ZC3H11A: variants seen among roughly 807,000 people sequenced by gnomAD.
The protein encoded by ZC3H11A is zinc finger CCCH-type containing 11A, also known as zinc finger CCCH domain-containing protein 11A.
ZC3H11A carries 22 observed loss-of-function variants against 90.8 expected under a neutral mutation model. That is an observed-to-expected ratio of 0.24 (90% CI 0.17 to 0.35). The LOEUF is 0.35. ZC3H11A is among the 10% of genes least tolerant of loss of function. The pLI is 1.00. For missense variants in ZC3H11A, 701 were observed against 964.9 expected, an observed-to-expected ratio of 0.73 and a Z score of 3.62; for synonymous variants, 294 against 339.8, an observed-to-expected ratio of 0.87 and a Z score of 1.48.
At chr1:203,851,581 C>T (rs1333851665) in intron 17 of ZC3H11A, among the ~76,000 whole-genome samples, 1 of 152,134 alleles carries the variant, frequency 6.6e-6, no homozygotes, top group African/African-American at 2.4e-5. Flanking sequence ...CCACCTTCCT[C>T]GTCTTCCCAA....
chr1:203,828,953 A>G (rs1681409482), intron 5 of ZC3H11A, among the ~76,000 whole-genome samples: 1 of 152,240 alleles, frequency 6.6e-6, no homozygotes, highest in South Asian at 2.1e-4. Flanking sequence ...GGTTATTCCC[A>G]AAGTTCATTT....
chr1:203,820,758 G>A (rs940291261), intron 4 of ZC3H11A, among the ~76,000 whole-genome samples: 3 of 152,042 alleles, frequency 2.0e-5, no homozygotes, highest in East Asian at 3.9e-4. Context: ...GAGATTACAG[G>A]TGTGAGCCAC....
At chr1:203,815,667 A>G (rs1331876571) in intron 2 of ZC3H11A, among the ~76,000 whole-genome samples, 4 of 152,174 alleles carry the variant, frequency 2.6e-5, no homozygotes, top group Non-Finnish European at 5.9e-5. Flanking sequence ...ACCCATGTTC[A>G]GTGTCAGACT....
At chr1:203,796,414 G>C in intron 1 of ZC3H11A, 1 of 399,082 alleles carries the variant, frequency 2.5e-6, no homozygotes, top group Non-Finnish European at 4.4e-6. Flanking sequence ...CAGCGTCGGA[G>C]TCAAGAGCAA....
Position 203,828,329 on chromosome 1 carries a change from G to C in ZC3H11A, c.205G>C (p.Glu69Gln). The C allele has an allele frequency of 6.2e-7, 1 of 1,614,026 alleles. No individual in the cohort carries two copies. The highest frequency in any genetic ancestry group is 1.7e-5 in the Admixed American group (1 of 60,014). ...ACGCAGTGAAATTCCTTGTTATTGGGAAAATCAGCCAACAGGATGTCAAAA... is the reference window on the plus strand; with the variant it reads ...ACGCAGTGAAATTCCTTGTTATTGGCAAAATCAGCCAACAGGATGTCAAAA... Reference protein sequence around the residue: ...KKRSEIPCYWENQPTGCQKLN... With the variant: ...KKRSEIPCYWQNQPTGCQKLN... The change falls in exon 5 of 18, where the codon GAA becomes CAA. Residue 69 changes from glutamate to glutamine, a missense_variant. Glu to Gln is a conservative substitution (Grantham distance 29). Transcript: ENST00000367210.
At chr1:203,797,967 G>A in intron 1 of ZC3H11A, 1 of 1,535,768 alleles carries the variant, frequency 6.5e-7, no homozygotes, top group Non-Finnish European at 8.7e-7. Flanking sequence ...CACCTGGCGG[G>A]CCATTTGTAA....
chr1:203,815,896 G>T (rs1676218877), intron 2 of ZC3H11A, among the ~76,000 whole-genome samples: 1 of 152,164 alleles, frequency 6.6e-6, no homozygotes, highest in Non-Finnish European at 1.5e-5. Context: ...AGCTTGCTTG[G>T]ACGTTTTAGT....
At chr1:203,851,650 C>A (rs1417661404) in intron 17 of ZC3H11A, among the ~76,000 whole-genome samples, 2 of 152,026 alleles carry the variant, frequency 1.3e-5, no homozygotes, top group Non-Finnish European at 1.5e-5. Flanking sequence ...GTCTTTAACA[C>A]CTACTTTGAG....
intron 16 of ZC3H11A, 49 bp from the exon 17 acceptor site, chr1:203,851,008 A>G (rs749319665): frequency 8.1e-6 from 13 of 1,595,580 alleles, no homozygotes; most frequent in Non-Finnish European, 1.1e-5. Context: ...AATATGCTCA[A>G]ATTAAAAAGC....
At chr1:203,805,603 T>C (rs1422825793) in intron 2 of ZC3H11A, 2 of 640,476 alleles carry the variant, frequency 3.1e-6, no homozygotes, top group Non-Finnish European at 6.1e-6. Flanking sequence ...TTACATGATG[T>C]ACTTAAATGC....
At chr1:203,837,206 G>A (rs1346429870) in intron 10 of ZC3H11A, among the ~76,000 whole-genome samples, 14 of 151,020 alleles carry the variant, frequency 9.3e-5, no homozygotes, top group Admixed American at 7.3e-4. Flanking sequence ...TGGGAGGATC[G>A]CTTGAGCCTA....
intron 12 of ZC3H11A, among the ~76,000 whole-genome samples, chr1:203,842,625 C>CT (rs575844553): frequency 0.011 from 1,444 of 128,294 alleles, 9 homozygotes; most frequent in Non-Finnish European, 0.013. Flanking sequence ...GAGGGGGAAT[C>CT]TTTTTTTTTT....
At chr1:203,823,570 G>C (rs921056112) in intron 4 of ZC3H11A, among the ~76,000 whole-genome samples, 4 of 152,170 alleles carry the variant, frequency 2.6e-5, no homozygotes, top group Non-Finnish European at 5.9e-5. Flanking sequence ...AATTAACTTG[G>C]AGCGTCTAAA....
intron 1 of ZC3H11A, chr1:203,800,456 G>A (rs913820909): frequency 6.7e-7 from 1 of 1,482,610 alleles, no homozygotes; most frequent in African/African-American, 1.4e-5. Context: ...AAGAAATACT[G>A]CCTTAATTTC....
intron 10 of ZC3H11A, among the ~76,000 whole-genome samples, chr1:203,834,571 T>C (rs1683602775): frequency 6.6e-6 from 1 of 152,208 alleles, no homozygotes. Flanking sequence ...CATGCTTGGC[T>C]GCTATTTTAT....
intron 12 of ZC3H11A, among the ~76,000 whole-genome samples, chr1:203,842,283 C>T (rs1176408131): frequency 2.0e-5 from 3 of 152,186 alleles, no homozygotes; most frequent in African/African-American, 4.8e-5. Flanking sequence ...GCCGAGATCA[C>T]GCCACTGCAC....
In ZC3H11A at chr1:203,852,154, C is replaced by T. The variant is rs1244329005; in HGVS notation, c.2188C>T (p.Pro730Ser). 1 of 1,613,566 alleles carries T rather than the reference C, an allele frequency of 6.2e-7. No homozygotes were observed. The highest frequency in any genetic ancestry group is 1.7e-5 in the Admixed American group (1 of 59,970). Residue 730 changes from proline (P) to serine (S), a missense_variant, in exon 18 of 18, where the codon CCA becomes TCA. By Grantham distance (74) the Pro-to-Ser change is moderately conservative. Coordinates refer to ENST00000367210, the MANE Select transcript of ZC3H11A (RefSeq NM_001376342.1). ...ENPRDSLVLP[P>S]TQSSSDSSPP... ...TTTTTCTTACAGTCTTGTGCTGCCTCCAACCCAGTCCTCTTCAGATTCCTC... is the reference window on the plus strand; with the variant it reads ...TTTTTCTTACAGTCTTGTGCTGCCTTCAACCCAGTCCTCTTCAGATTCCTC...
At chr1:203,797,576 A>G (rs1253696744) in intron 1 of ZC3H11A, 2 of 1,533,106 alleles carry the variant, frequency 1.3e-6, no homozygotes, top group Non-Finnish European at 1.7e-6. Context: ...CTGGCAGAAG[A>G]TGCAACACTT....
intron 2 of ZC3H11A, among the ~76,000 whole-genome samples, chr1:203,815,218 T>TTTCTTTTC (rs1378931442): frequency 2.4e-4 from 28 of 115,508 alleles, no homozygotes; most frequent in Non-Finnish European, 3.1e-4. Context: ...TTTCTTTTCT[T>TTTCTTTTC]TTTTTTTTTT....
Sources: gnomAD v4.1 joint callset for allele counts (sites outside exome capture counted in the v4.1 genomes callset) on GRCh38, gnomAD v4.1.1 for gene constraint, MANE v1.5 for transcripts, NCBI Gene and HGNC (gene_info 2026-07-23, HGNC 2026-07-21) for gene names.